Variants in PARD3 observed in about 807,000 individuals in gnomAD.
PARD3 encodes partitioning defective 3 homolog.
A neutral mutation model predicts 155.4 loss-of-function variants in PARD3; 75 were observed. The ratio of observed to expected loss-of-function variants is 0.48; its 90% CI spans 0.40 to 0.58. The LOEUF is 0.58. Ranked by LOEUF, PARD3 falls within the 20% of genes least tolerant of loss-of-function variation. PARD3 has a pLI of 0.00. For missense variants in PARD3, 1,642 were observed against 1,721.7 expected, an observed-to-expected ratio of 0.95 and a Z score of 0.82; for synonymous variants, 576 against 610.5, an observed-to-expected ratio of 0.94 and a Z score of 0.83.
At chr10:34,762,850 C>T (rs893810431) in intron 1 of PARD3, among the ~76,000 whole-genome samples, 3 of 152,154 alleles carry the variant, frequency 2.0e-5, no homozygotes, top group African/African-American at 7.2e-5. Flanking sequence ...TACCAGCTAC[C>T]ACTAGAAGCA....
At chr10:34,370,807 GGTGT>G (rs3040369) in intron 12 of PARD3, among the ~76,000 whole-genome samples, 40,530 of 145,282 alleles carry the variant, frequency 0.28, 5,552 homozygotes, top group African/African-American at 0.32. Context: ...ATACAAATGG[GGTGT>G]GTGTGTGTGT....
chr10:34,391,000 CCCCCAT>C (rs1318245553), intron 7 of PARD3, among the ~76,000 whole-genome samples: 1 of 152,118 alleles, frequency 6.6e-6, no homozygotes, highest in Non-Finnish European at 1.5e-5. Flanking sequence ...TCTGCTGACT[CCCCCAT>C]TGAGTGGCAG....
intron 2 of PARD3, among the ~76,000 whole-genome samples, chr10:34,578,792 G>A (rs1477851377): frequency 1.3e-5 from 2 of 152,180 alleles, no homozygotes; most frequent in African/African-American, 4.8e-5. Flanking sequence ...GTCTAACAGT[G>A]AGTTAACTAC....
At chr10:34,134,514 C>G (rs1383806403) in intron 22 of PARD3, among the ~76,000 whole-genome samples, 2 of 152,184 alleles carry the variant, frequency 1.3e-5, no homozygotes, top group Non-Finnish European at 2.9e-5. Flanking sequence ...AGGGAGTTGA[C>G]CGAGTATCCT....
chr10:34,668,752 C>G (rs1048305206), intron 2 of PARD3, among the ~76,000 whole-genome samples: 1 of 152,084 alleles, frequency 6.6e-6, no homozygotes, highest in African/African-American at 2.4e-5. Flanking sequence ...GTGGGAAGAT[C>G]GCTTGAGCCC....
At chr10:34,506,655 T>A (rs903754194) in intron 3 of PARD3, among the ~76,000 whole-genome samples, 1 of 152,222 alleles carries the variant, frequency 6.6e-6, no homozygotes, top group Non-Finnish European at 1.5e-5. Context: ...ATCACTTACA[T>A]GTTATTAATG....
intron 1 of PARD3, among the ~76,000 whole-genome samples, chr10:34,813,604 T>C (rs1844493396): frequency 1.3e-5 from 2 of 152,184 alleles, no homozygotes; most frequent in South Asian, 4.1e-4. Flanking sequence ...CCCAAAATTA[T>C]CTTTAAAAGG....
intron 1 of PARD3, 132 bp downstream of exon 1, chr10:34,814,744 G>A (rs12779588): frequency 1.3e-6 from 1 of 763,396 alleles, no homozygotes; most frequent in Non-Finnish European, 1.9e-6. Context: ...GGGCGCCCGC[G>A]AGGCCCGACC....
intron 23 of PARD3, among the ~76,000 whole-genome samples, chr10:34,127,112 G>C (rs758924645): frequency 1.3e-5 from 2 of 152,090 alleles, no homozygotes; most frequent in African/African-American, 4.8e-5. Flanking sequence ...CCTATTCACT[G>C]TTCCCATTCA....
rs79047534 is a variant in PARD3, at chr10:34,294,029, C to T, written c.3066-9784G>A. ...AAAAACACATCCATTTAAAAGGGCA[C>T]TTGAAGGAAGAAAAAGGAAAAGGTG... On this transcript the variant is annotated intron_variant, in intron 20 of 24. Transcript: ENST00000374788. Among the ~76,000 whole-genome samples, 671 of 152,194 alleles carry T rather than the reference C, an allele frequency of 4.4e-3. 6 individuals are homozygous for T. The highest frequency in any genetic ancestry group is 0.015 in the African/African-American group (636 of 41,536).
intron 22 of PARD3, among the ~76,000 whole-genome samples, chr10:34,217,128 T>G (rs1250308553): frequency 2.0e-5 from 3 of 151,988 alleles, no homozygotes; most frequent in Non-Finnish European, 4.4e-5. Context: ...GAAGACACAG[T>G]GTGAAATCCA....
At chr10:34,578,369 G>C (rs2087086753) in intron 2 of PARD3, among the ~76,000 whole-genome samples, 1 of 152,156 alleles carries the variant, frequency 6.6e-6, no homozygotes, top group Non-Finnish European at 1.5e-5. Context: ...GTCAAGGTCT[G>C]ATTTTCAAAA....
At chr10:34,130,484 C>T (rs185585286) in intron 23 of PARD3, among the ~76,000 whole-genome samples, 187 of 152,300 alleles carry the variant, frequency 1.2e-3, no homozygotes, top group African/African-American at 4.1e-3. Flanking sequence ...ATACCCCATG[C>T]TAGAGTTTCC....
At chr10:34,337,804 A>C (rs1030536717) in intron 16 of PARD3, among the ~76,000 whole-genome samples, 3 of 152,246 alleles carry the variant, frequency 2.0e-5, no homozygotes, top group African/African-American at 7.2e-5. Context: ...AAACACTAGC[A>C]GCGAACAAGT....
intron 1 of PARD3, among the ~76,000 whole-genome samples, chr10:34,799,726 G>A (rs890144992): frequency 1.3e-5 from 2 of 151,970 alleles, no homozygotes; most frequent in Non-Finnish European, 2.9e-5. Context: ...TACGGTGGCT[G>A]ACACTTGCAA....
intron 20 of PARD3, among the ~76,000 whole-genome samples, chr10:34,313,946 A>G (rs1029445367): frequency 2.6e-5 from 4 of 152,328 alleles, no homozygotes; most frequent in Middle Eastern, 3.4e-3. Context: ...TTTCTGAGCT[A>G]CAAGATAGAA....
At chr10:34,312,487 T>C in intron 20 of PARD3, 1 of 1,070,982 alleles carries the variant, frequency 9.3e-7, no homozygotes, top group African/African-American at 1.6e-5. Flanking sequence ...TAATCCAAAC[T>C]ACGACATTCA....
At chr10:34,716,580 CTTTTCTT>C (rs2094522774) in intron 1 of PARD3, among the ~76,000 whole-genome samples, 1 of 109,440 alleles carries the variant, frequency 9.1e-6, no homozygotes, top group African/African-American at 3.3e-5. Flanking sequence ...CCCAGGATGG[CTTTTCTT>C]TTTTTTTTTT....
At chr10:34,303,392 G>A (rs974001130) in intron 20 of PARD3, among the ~76,000 whole-genome samples, 1 of 149,666 alleles carries the variant, frequency 6.7e-6, no homozygotes, top group Non-Finnish European at 1.5e-5. Context: ...GATATCCTGA[G>A]ATAAATTAAA....
Sources: allele counts gnomAD v4.1 joint callset (sites outside exome capture counted in the v4.1 genomes callset), GRCh38; gene constraint gnomAD v4.1.1; transcripts MANE v1.5; gene names NCBI Gene and HGNC (gene_info 2026-07-23, HGNC 2026-07-21).